TMEM266: variants seen among roughly 807,000 people sequenced by gnomAD.
TMEM266 encodes the protein Hv1 related protein 1.
Under a neutral mutation model 50.5 loss-of-function variants are expected in TMEM266, and 33 were observed. That is an observed-to-expected ratio of 0.65 (90% confidence interval 0.50 to 0.87). TMEM266 has a LOEUF of 0.87. Ranked by LOEUF, TMEM266 falls within the 40% of genes least tolerant of loss-of-function variation. The pLI, the probability that TMEM266 is intolerant of heterozygous loss-of-function variation, is 0.00. For synonymous variants in TMEM266, 310 were observed against 292.3 expected, an observed-to-expected ratio of 1.06 and a Z score of -0.62; for missense variants, 655 against 695.1, an observed-to-expected ratio of 0.94 and a Z score of 0.65.
At chr15:76,071,167 C>T (rs1009781817) in intron 1 of TMEM266, among the ~76,000 whole-genome samples, 1 of 152,198 alleles carries the variant, frequency 6.6e-6, no homozygotes, top group Non-Finnish European at 1.5e-5. Flanking sequence ...CAGCTGCTTC[C>T]TCTTTGTGTA....
At chr15:76,093,498 A>G (rs1303117279) in intron 1 of TMEM266, among the ~76,000 whole-genome samples, 1 of 151,954 alleles carries the variant, frequency 6.6e-6, no homozygotes, top group African/African-American at 2.4e-5. Flanking sequence ...ATAGTATTCC[A>G]TGGTGTATAT....
At chr15:76,082,637 TG>T (rs2036711950) in intron 1 of TMEM266, among the ~76,000 whole-genome samples, 2 of 151,224 alleles carry the variant, frequency 1.3e-5, no homozygotes, top group Admixed American at 1.3e-4. Flanking sequence ...TGGCACATGG[TG>T]AAAGAAGGAG....
chr15:76,125,673 C>G (rs1432050329), intron 1 of TMEM266, among the ~76,000 whole-genome samples: 1 of 152,018 alleles, frequency 6.6e-6, no homozygotes, highest in East Asian at 1.9e-4. Context: ...CATGGCGAAA[C>G]CCCATCTCTA....
intron 8 of TMEM266, 125 bp downstream of exon 8, chr15:76,175,799 G>T (rs1324997819): frequency 1.4e-6 from 1 of 693,308 alleles, no homozygotes; most frequent in East Asian, 2.8e-5. Flanking sequence ...CCCCTTGTTG[G>T]ACTCATGGGG....
rs2038806609 is a variant in TMEM266, at chr15:76,204,534, G to T, written c.*219G>T. On this transcript the variant is annotated 3_prime_UTR_variant, in exon 11 of 11. Transcript: ENST00000388942. ...CTCTTCTCGCCCTGCTCAGGGGAGG[G>T]TGGTGCTCGTGGCTGGGTTTTCTTT... 2 of 439,578 alleles carry T rather than the reference G, an allele frequency of 4.5e-6. No homozygotes were observed. Among genetic ancestry groups the T allele is most frequent in the Non-Finnish European group, 8.0e-6 (2 of 248,870 alleles). The allele number at this position is 439,578 out of a possible 1,614,324, so 27.2% of individuals were successfully genotyped here.
intron 7 of TMEM266, 137 bp downstream of exon 7, chr15:76,171,268 GC>G: frequency 1.6e-6 from 2 of 1,254,978 alleles, no homozygotes; most frequent in African/African-American, 1.5e-5. Context: ...AGGGAGAGGG[GC>G]CAGCTGTCCC....
intron 1 of TMEM266, among the ~76,000 whole-genome samples, chr15:76,081,234 A>G (rs2036690206): frequency 1.3e-5 from 2 of 152,230 alleles, no homozygotes; most frequent in Non-Finnish European, 2.9e-5. Context: ...GCTATTGACT[A>G]TGGACAAGTC....
chr15:76,137,061 A>T (rs2142031472), intron 2 of TMEM266, among the ~76,000 whole-genome samples: 1 of 152,228 alleles, frequency 6.6e-6, no homozygotes, highest in East Asian at 1.9e-4. Context: ...CATTGGATCA[A>T]GTGACTGCCA....
At chr15:76,083,642 A>T (rs546059916) in intron 1 of TMEM266, among the ~76,000 whole-genome samples, 20 of 152,266 alleles carry the variant, frequency 1.3e-4, no homozygotes, top group Admixed American at 2.6e-4. Context: ...GTGCTGGTAG[A>T]CCCATCACTT....
intron 9 of TMEM266, among the ~76,000 whole-genome samples, chr15:76,196,802 G>A (rs899445997): frequency 2.6e-5 from 4 of 152,134 alleles, no homozygotes; most frequent in Admixed American, 2.6e-4. Context: ...GTCACAGTCA[G>A]ACAACGCCAA....
intron 1 of TMEM266, among the ~76,000 whole-genome samples, chr15:76,121,004 C>T (rs188215487): frequency 2.0e-5 from 3 of 152,210 alleles, no homozygotes; most frequent in Admixed American, 2.0e-4. Context: ...TAAATCTTCA[C>T]TAACTGGAAG....
At chr15:76,147,094 G>C (rs1200907140) in intron 3 of TMEM266, among the ~76,000 whole-genome samples, 1 of 152,238 alleles carries the variant, frequency 6.6e-6, no homozygotes, top group Non-Finnish European at 1.5e-5. Flanking sequence ...TTTGGAGGGA[G>C]TTGGGAGCTG....
At chr15:76,119,196 ATTC>A (rs1472013262) in intron 1 of TMEM266, among the ~76,000 whole-genome samples, 1 of 152,040 alleles carries the variant, frequency 6.6e-6, no homozygotes, top group Non-Finnish European at 1.5e-5. Flanking sequence ...TCTTCCTAAA[ATTC>A]TTCTCCTTTG....
At chr15:76,199,838 G>C (rs1259098589) in intron 9 of TMEM266, among the ~76,000 whole-genome samples, 1 of 141,808 alleles carries the variant, frequency 7.1e-6, no homozygotes, top group Non-Finnish European at 1.6e-5. Context: ...AAACCAGGGA[G>C]GGGTAGAGAA....
At chr15:76,203,658 C>A (rs376551703) in intron 10 of TMEM266, 83 bp from the exon 11 acceptor site, 1 of 1,345,340 alleles carries the variant, frequency 7.4e-7, no homozygotes, top group East Asian at 2.3e-5. Flanking sequence ...CATTGCCCAC[C>A]GCCCGGCTCA....
intron 1 of TMEM266, among the ~76,000 whole-genome samples, chr15:76,120,029 G>C (rs574814330): frequency 2.0e-5 from 3 of 152,264 alleles, no homozygotes; most frequent in Admixed American, 2.0e-4. Context: ...TTCCTACTTT[G>C]CTGTGAAGTG....
intron 1 of TMEM266, among the ~76,000 whole-genome samples, chr15:76,067,627 C>T (rs1433254011): frequency 1.0e-5 from 1 of 97,872 alleles, no homozygotes; most frequent in East Asian, 2.8e-4. Context: ...AGCAAGGCTG[C>T]GTCTCAAAAA....
At chr15:76,144,207 C>T (rs1424539790) in intron 3 of TMEM266, among the ~76,000 whole-genome samples, 1 of 121,462 alleles carries the variant, frequency 8.2e-6, no homozygotes, top group Admixed American at 9.3e-5. Context: ...ACCTAGACCT[C>T]ACCCACCCAT....
At chr15:76,189,760 G>A (rs1382210561) in intron 8 of TMEM266, among the ~76,000 whole-genome samples, 1 of 152,214 alleles carries the variant, frequency 6.6e-6, no homozygotes, top group Non-Finnish European at 1.5e-5. Context: ...ATGAACCAGG[G>A]GGCTCTGCAT....
Sources: gnomAD v4.1 joint callset for allele counts (sites outside exome capture counted in the v4.1 genomes callset) on GRCh38, gnomAD v4.1.1 for gene constraint, MANE v1.5 for transcripts, NCBI Gene and HGNC (gene_info 2026-07-23, HGNC 2026-07-21) for gene names.